The following CHCHD6 variants were observed in gnomAD, a reference collection of about 807,000 sequenced individuals.
CHCHD6 encodes the protein MICOS complex subunit MIC25.
In CHCHD6, 28 loss-of-function variants were observed where a neutral mutation model predicts 32.3. The observed-to-expected ratio is 0.87, with a 90% CI of 0.64 to 1.19. The LOEUF is 1.19. Ranked by LOEUF, CHCHD6 falls within the 50% of genes most tolerant of loss-of-function variation. CHCHD6 has a pLI of 0.00. For missense variants in CHCHD6, 333 were observed against 307.0 expected, an observed-to-expected ratio of 1.08 and a Z score of -0.63; for synonymous variants, 122 against 117.5, an observed-to-expected ratio of 1.04 and a Z score of -0.25.
At chr3:126,747,974 C>G (rs1440891483) in intron 4 of CHCHD6, among the ~76,000 whole-genome samples, 2 of 152,186 alleles carry the variant, frequency 1.3e-5, no homozygotes, top group Non-Finnish European at 2.9e-5. Context: ...CAGCAGCACC[C>G]TCCTGTGCCC....
chr3:126,743,426 G>A (rs1366827802), intron 4 of CHCHD6, among the ~76,000 whole-genome samples: 1 of 152,206 alleles, frequency 6.6e-6, no homozygotes, highest in Non-Finnish European at 1.5e-5. Flanking sequence ...TGTGCTGACA[G>A]AAGCTGGACA....
intron 4 of CHCHD6, among the ~76,000 whole-genome samples, chr3:126,842,125 G>T (rs778075531): frequency 2.0e-5 from 3 of 152,042 alleles, no homozygotes; most frequent in Non-Finnish European, 4.4e-5. Context: ...ATGGCAGCAT[G>T]CGCCTGTAGT....
At chr3:126,960,068 A>G (rs928510770) in intron 7 of CHCHD6, 128 bp from the exon 8 acceptor site, 42 of 1,063,508 alleles carry the variant, frequency 3.9e-5, no homozygotes, top group Non-Finnish European at 5.5e-5. Flanking sequence ...ATGGGTCTCC[A>G]GGTGAGGAGG....
At chr3:126,793,584 A>C (rs1442782325) in intron 4 of CHCHD6, among the ~76,000 whole-genome samples, 1 of 152,120 alleles carries the variant, frequency 6.6e-6, no homozygotes, top group African/African-American at 2.4e-5. Context: ...ACAGTGACAC[A>C]ATTTTTTGCT....
Position 126,704,277 on chromosome 3 carries a change from C to T in CHCHD6, c.-36C>T, listed in dbSNP as rs1470772721. On this transcript the variant is annotated 5_prime_UTR_variant, in exon 1 of 8. Transcript: ENST00000290913. ...GCCCGGTTGCTCTGGAGCCGGGTCT[C>T]GGGTCTGGTGGCTGCCGGCCCTGCG... The T allele has an allele frequency of 9.6e-6, 15 of 1,566,182 alleles. No individual in the cohort carries two copies. Among genetic ancestry groups the T allele is most frequent in the Non-Finnish European group, 1.3e-5 (15 of 1,146,872 alleles).
intron 5 of CHCHD6, among the ~76,000 whole-genome samples, chr3:126,884,101 A>G (rs1043364962): frequency 3.9e-5 from 6 of 152,222 alleles, no homozygotes; most frequent in Non-Finnish European, 8.8e-5. Context: ...TCTTTGGTGA[A>G]GAATGGTGCA....
Position 126,704,323 on chromosome 3 carries a change from C to A in CHCHD6, c.11C>A (p.Thr4Lys). MGS[T>K]ESSEGRRVSF... ...CTGCGGCATCTCGCCATGGGGAGCA[C>A]GGAGAGCAGCGAGGGCCGCAGGGTG... is the stretch of plus-strand genomic sequence containing the variant. The change falls in exon 1 of 8, where the codon ACG (threonine) becomes AAG (lysine). Residue 4 changes from threonine to lysine, a missense_variant. Physicochemically the swap from Thr to Lys is moderately conservative, Grantham distance 78. Transcript: ENST00000290913. The A allele has an allele frequency of 6.2e-7, 1 of 1,603,502 alleles. No individual in the cohort carries two copies. Among genetic ancestry groups the A allele is most frequent in the Non-Finnish European group, 8.5e-7 (1 of 1,176,970 alleles).
intron 1 of CHCHD6, among the ~76,000 whole-genome samples, chr3:126,723,788 G>A (rs1935417569): frequency 6.6e-6 from 1 of 152,158 alleles, no homozygotes; most frequent in Non-Finnish European, 1.5e-5. Flanking sequence ...TGTACATGGG[G>A]GAGTAGTTTT....
At chr3:126,945,632 A>T (rs1279088986) in intron 6 of CHCHD6, among the ~76,000 whole-genome samples, 1 of 116,870 alleles carries the variant, frequency 8.6e-6, no homozygotes, top group African/African-American at 3.5e-5. Flanking sequence ...GATGGGGGAG[A>T]CTCAAGTCGG....
intron 4 of CHCHD6, among the ~76,000 whole-genome samples, chr3:126,785,355 T>C (rs1938145915): frequency 6.6e-6 from 1 of 152,212 alleles, no homozygotes; most frequent in African/African-American, 2.4e-5. Flanking sequence ...GGAAACTGCT[T>C]TGTGTTAGTT....
At chr3:126,835,412 G>C (rs1232496997) in intron 4 of CHCHD6, among the ~76,000 whole-genome samples, 2 of 152,148 alleles carry the variant, frequency 1.3e-5, no homozygotes, top group African/African-American at 2.4e-5. Flanking sequence ...TAACCTCACG[G>C]CTCTCCAGAG....
In CHCHD6 at chr3:126,895,332, G is replaced by A. The variant is rs536791950; in HGVS notation, c.496-19348G>A. Among the ~76,000 whole-genome samples, 222 of 152,334 alleles carry A rather than the reference G, an allele frequency of 1.5e-3. 5 individuals are homozygous for A. The South Asian group carries it at 0.039, about 27-fold the overall frequency. ...AGCTATTTAGAAGGAAGAGCTTCAT[G>A]AGGGGCTGGGTGCTGGGGTGACAGA... On this transcript the variant is annotated intron_variant, in intron 5 of 7. Transcript: ENST00000290913.
intron 1 of CHCHD6, among the ~76,000 whole-genome samples, chr3:126,722,400 T>C (rs1000748190): frequency 2.0e-5 from 3 of 152,214 alleles, no homozygotes; most frequent in African/African-American, 7.2e-5. Flanking sequence ...TGGTCTCAAG[T>C]GATCCTTTTG....
chr3:126,805,338 G>A (rs2107692950), intron 4 of CHCHD6, among the ~76,000 whole-genome samples: 1 of 152,236 alleles, frequency 6.6e-6, no homozygotes, highest in South Asian at 2.1e-4. Context: ...AAGCTGATAA[G>A]CAACTTCAGC....
chr3:126,716,373 C>A (rs759370435), intron 1 of CHCHD6, among the ~76,000 whole-genome samples: 1 of 152,190 alleles, frequency 6.6e-6, no homozygotes, highest in Admixed American at 6.5e-5. Flanking sequence ...AGGCCCAATT[C>A]AGGCCATCTC....
At chr3:126,827,240 A>T (rs995797921) in intron 4 of CHCHD6, among the ~76,000 whole-genome samples, 4 of 152,222 alleles carry the variant, frequency 2.6e-5, no homozygotes, top group African/African-American at 9.6e-5. Flanking sequence ...ATGCAAGGAA[A>T]TGACACAATC....
chr3:126,718,555 G>A (rs768536366), intron 1 of CHCHD6, among the ~76,000 whole-genome samples: 3 of 152,214 alleles, frequency 2.0e-5, no homozygotes, highest in African/African-American at 7.2e-5. Flanking sequence ...CCTGAGCTGC[G>A]CAGCAGCCAG....
intron 4 of CHCHD6, among the ~76,000 whole-genome samples, chr3:126,799,358 T>C (rs1461710346): frequency 6.6e-6 from 1 of 152,176 alleles, no homozygotes; most frequent in Admixed American, 6.5e-5. Flanking sequence ...TGAGAATTGC[T>C]AGGATAGGAC....
At chr3:126,798,996 G>A (rs1473850741) in intron 4 of CHCHD6, among the ~76,000 whole-genome samples, 1 of 152,184 alleles carries the variant, frequency 6.6e-6, no homozygotes, top group African/African-American at 2.4e-5. Flanking sequence ...TCAAGAAGCT[G>A]TCTATGCCCT....
Sources: allele counts gnomAD v4.1 joint callset (sites outside exome capture counted in the v4.1 genomes callset), GRCh38; gene constraint gnomAD v4.1.1; transcripts MANE v1.5; gene names NCBI Gene and HGNC (gene_info 2026-07-23, HGNC 2026-07-21).